ZEB1: variants seen among roughly 807,000 people sequenced by gnomAD.
ZEB1 encodes zinc finger E-box-binding homeobox 1.
Under a neutral mutation model 84.9 loss-of-function variants are expected in ZEB1, and 21 were observed. The observed-to-expected ratio is 0.25, with a 90% CI of 0.18 to 0.36. The LOEUF is 0.36. ZEB1 is among the 10% of genes least tolerant of loss of function. The pLI, the probability that ZEB1 is intolerant of heterozygous loss-of-function variation, is 1.00. For missense variants in ZEB1, 1,104 were observed against 1,330.2 expected (o/e 0.83, Z 2.65); for synonymous variants, 420 against 471.1 (o/e 0.89, Z 1.41).
chr10:31,444,576 G>C lies in ZEB1; in HGVS notation c.59-16461G>C, dbSNP rs896375079. Reference sequence around the variant, plus strand: ...AAAGTTTAAATCTTTAATCCATCTTGAATTGATTTTTGTATAAGGTGTAAG... The same window carrying C: ...AAAGTTTAAATCTTTAATCCATCTTCAATTGATTTTTGTATAAGGTGTAAG... On this transcript the variant is annotated intron_variant, in intron 1 of 8. Coordinates refer to ENST00000424869, the MANE Select transcript of ZEB1 (RefSeq NM_001174096.2). 3.2e-3 allele frequency among the ~76,000 whole-genome samples: 481 copies of C among 151,410 alleles called. 5 individuals are homozygous for C. The highest frequency in any genetic ancestry group is 0.011 in the African/African-American group (455 of 41,326).
chr10:31,479,006 A>G (rs1245513338), intron 2 of ZEB1, among the ~76,000 whole-genome samples: 2 of 151,896 alleles, frequency 1.3e-5, no homozygotes, highest in Non-Finnish European at 2.9e-5. Flanking sequence ...AAACCTGCAC[A>G]TGTGCCCCCC....
At chr10:31,439,165 A>G (rs116312373) in intron 1 of ZEB1, among the ~76,000 whole-genome samples, 2,457 of 152,260 alleles carry the variant, frequency 0.016, 65 homozygotes, top group African/African-American at 0.057. Flanking sequence ...TATGGATACT[A>G]TACTGCATCT....
At chr10:31,394,912 C>T (rs1380777024) in intron 1 of ZEB1, among the ~76,000 whole-genome samples, 1 of 151,990 alleles carries the variant, frequency 6.6e-6, no homozygotes, top group Non-Finnish European at 1.5e-5. Context: ...GAGATATTTA[C>T]AAGTTAGAAC....
upstream of ZEB1, chr10:31,318,731 G>C (rs1397683004): frequency 5.7e-6 from 1 of 174,962 alleles, no homozygotes; most frequent in Non-Finnish European, 1.2e-5. Flanking sequence ...ACTGATGGTA[G>C]CCCTGCCTCC....
intron 1 of ZEB1, among the ~76,000 whole-genome samples, chr10:31,443,793 T>C (rs1049721218): frequency 9.3e-5 from 14 of 150,388 alleles, no homozygotes; most frequent in African/African-American, 3.3e-4. Context: ...GTGCCACCTT[T>C]TCTTAATCCA....
intron 6 of ZEB1, among the ~76,000 whole-genome samples, chr10:31,515,525 G>C (rs1307538956): frequency 6.6e-6 from 1 of 151,970 alleles, no homozygotes; most frequent in Non-Finnish European, 1.5e-5. Flanking sequence ...TGCTTATTTT[G>C]TGAAAATTAT....
chr10:31,469,583 T>C (rs188107516), intron 2 of ZEB1, among the ~76,000 whole-genome samples: 2,306 of 152,270 alleles, frequency 0.015, 44 homozygotes, highest in African/African-American at 0.052. Context: ...GTCTCGCTGA[T>C]TGCTAGCACA....
At chr10:31,328,948 G>C (rs979341825) in intron 1 of ZEB1, among the ~76,000 whole-genome samples, 1 of 151,918 alleles carries the variant, frequency 6.6e-6, no homozygotes, top group Non-Finnish European at 1.5e-5. Flanking sequence ...GTGTTCCTAT[G>C]GTATAGATCA....
chr10:31,338,045 G>A (rs1320726674), intron 1 of ZEB1, among the ~76,000 whole-genome samples: 1 of 151,988 alleles, frequency 6.6e-6, no homozygotes, highest in Non-Finnish European at 1.5e-5. Flanking sequence ...TTATTTTTAG[G>A]GGTATAGGCA....
intron 1 of ZEB1, chr10:31,360,880 A>G: frequency 1.7e-6 from 2 of 1,184,354 alleles, no homozygotes; most frequent in South Asian, 1.2e-5. Flanking sequence ...GTGGCGTTAC[A>G]GTGAGCTGCA....
chr10:31,381,318 A>T (rs2047589613), intron 1 of ZEB1, among the ~76,000 whole-genome samples: 1 of 152,212 alleles, frequency 6.6e-6, no homozygotes, highest in South Asian at 2.1e-4. Context: ...CTGTATCTTT[A>T]TACCATGTGA....
Position 31,526,787 on chromosome 10 carries a change from A to G in ZEB1, c.2901A>G (p.Gly967=), listed in dbSNP as rs145553237. ...AGCCCTATCAATGTGACAAATGTGG[A>G]AAGCGCTTCTCACACTCTGGGTCTT... ...GEKPYQCDKC[G]KRFSHSGSYS... is the part of the protein sequence containing the mutation. The change falls in exon 9 of 9, where the codon GGA becomes GGG. Residue 967 remains glycine, a synonymous_variant. Transcript: ENST00000424869. 1 of 1,614,180 alleles carries G rather than the reference A, an allele frequency of 6.2e-7. No homozygotes were observed. Among genetic ancestry groups the G allele is most frequent in the Non-Finnish European group, 8.5e-7 (1 of 1,180,028 alleles).
At chr10:31,406,984 G>T (rs749260010) in intron 1 of ZEB1, among the ~76,000 whole-genome samples, 30 of 152,186 alleles carry the variant, frequency 2.0e-4, no homozygotes, top group Non-Finnish European at 4.1e-4. Context: ...TGTCAGGTTT[G>T]TCAAAGATCA....
chr10:31,405,702 C>A (rs1392148071), intron 1 of ZEB1, among the ~76,000 whole-genome samples: 1 of 151,330 alleles, frequency 6.6e-6, no homozygotes, highest in Non-Finnish European at 1.5e-5. Flanking sequence ...TCTATTACAC[C>A]TAGGCTCTTT....
chr10:31,320,055 C>T (rs979540767), intron 1 of ZEB1: 1 of 151,462 alleles, frequency 6.6e-6, no homozygotes, highest in African/African-American at 2.4e-5. Context: ...GGATTAGAGG[C>T]GCGGGGGCGC....
chr10:31,332,297 TA>T (rs1023807454), intron 1 of ZEB1, among the ~76,000 whole-genome samples: 2 of 152,184 alleles, frequency 1.3e-5, no homozygotes, highest in African/African-American at 4.8e-5. Flanking sequence ...CCTGCACTGT[TA>T]GGGGGAATTG....
chr10:31,333,415 G>A (rs1456588716), intron 1 of ZEB1, among the ~76,000 whole-genome samples: 1 of 152,078 alleles, frequency 6.6e-6, no homozygotes, highest in African/African-American at 2.4e-5. Flanking sequence ...AAAGGATAAA[G>A]AACACAAGAA....
At chr10:31,476,702 A>G (rs1483812193) in intron 2 of ZEB1, among the ~76,000 whole-genome samples, 1 of 152,106 alleles carries the variant, frequency 6.6e-6, no homozygotes, top group African/African-American at 2.4e-5. Context: ...CAAAAACAAA[A>G]TGTATCACAA....
intron 1 of ZEB1, among the ~76,000 whole-genome samples, chr10:31,393,203 G>A (rs2050098183): frequency 6.6e-6 from 1 of 152,022 alleles, no homozygotes; most frequent in Non-Finnish European, 1.5e-5. Context: ...ATAGTATAAA[G>A]CTCATTATAG....
Sources: gnomAD v4.1 joint callset for allele counts (sites outside exome capture counted in the v4.1 genomes callset) on GRCh38, gnomAD v4.1.1 for gene constraint, MANE v1.5 for transcripts, NCBI Gene and HGNC (gene_info 2026-07-23, HGNC 2026-07-21) for gene names.